TNC: variants seen among roughly 807,000 people sequenced by gnomAD.
TNC encodes tenascin C, also known as tenascin.
A neutral mutation model predicts 202.4 loss-of-function variants in TNC; 109 were observed. That is an observed-to-expected ratio of 0.54 (90% CI 0.46 to 0.63). The LOEUF (loss-of-function observed/expected upper bound fraction) is 0.63. Among genes scored for constraint, TNC ranks in the 30% least tolerant of loss-of-function variants. TNC has a pLI of 0.00. For missense variants in TNC, 2,756 were observed against 2,833.3 expected, an observed-to-expected ratio of 0.97 and a Z score of 0.62; for synonymous variants, 1,007 against 1,089.7, an observed-to-expected ratio of 0.92 and a Z score of 1.50.
rs545407455 is a variant in TNC, at chr9:115,069,041, T to C, written c.3215-4122A>G. Among the ~76,000 whole-genome samples the C allele has an allele frequency of 1.3e-4, 20 of 152,350 alleles. No homozygotes were observed. The South Asian group carries it at 4.1e-3, about 32-fold the overall frequency. On this transcript the variant is annotated intron_variant, in intron 10 of 27. Coordinates refer to ENST00000350763, the MANE Select transcript of TNC (RefSeq NM_002160.4). ...GAAGAGAAGCTGTTTCTTTCTCTTC[T>C]ATACACCGGCATCGCCTGACCCACA... is the stretch of plus-strand genomic sequence containing the variant.
At chr9:115,102,078 C>T (rs115487474) in intron 1 of TNC, among the ~76,000 whole-genome samples, 292 of 152,234 alleles carry the variant, frequency 1.9e-3, no homozygotes, top group African/African-American at 6.9e-3. Context: ...TATTTGTACC[C>T]TCATTTTGCA....
intron 1 of TNC, among the ~76,000 whole-genome samples, chr9:115,113,481 G>A (rs1476189362): frequency 6.6e-6 from 1 of 152,116 alleles, no homozygotes; most frequent in Non-Finnish European, 1.5e-5. Context: ...TTATCCCCTA[G>A]GATTCTCCTA....
At chr9:115,075,219 A>G (rs1833753517) in intron 9 of TNC, among the ~76,000 whole-genome samples, 1 of 152,028 alleles carries the variant, frequency 6.6e-6, no homozygotes, top group South Asian at 2.1e-4. Context: ...AAAAATCTTG[A>G]GGAAAGAATC....
At chr9:115,072,146 A>C (rs759934421) in intron 10 of TNC, among the ~76,000 whole-genome samples, 1 of 152,210 alleles carries the variant, frequency 6.6e-6, no homozygotes, top group Non-Finnish European at 1.5e-5. Context: ...GGAGTGGCCA[A>C]TGAACTATGG....
Position 115,108,894 on chromosome 9 carries a change from G to A in TNC, c.-137+9088C>T, listed in dbSNP as rs541191861. On this transcript the variant is annotated intron_variant, in intron 1 of 27. Coordinates refer to ENST00000350763, the MANE Select transcript of TNC (RefSeq NM_002160.4). ...TCCCAGCCTCCAGAACTGTGAGAAA[G>A]TAATTTCTGTTGTTTGTAAGTCACT... Among the ~76,000 whole-genome samples the A allele has an allele frequency of 2.6e-5, 4 of 152,330 alleles. No homozygotes were observed. The East Asian group carries it at 7.7e-4, about 29-fold the overall frequency.
At position 115,076,153 on chromosome 9, in the gene TNC, C is replaced by T. The variant is rs528424811; in HGVS notation, c.2861-32G>A. The T allele has an allele frequency of 8.1e-6, 13 of 1,597,516 alleles. No homozygotes were observed. The South Asian group carries it at 1.4e-4, about 18-fold the overall frequency. On this transcript the variant is annotated intron_variant, in intron 8 of 27. Coordinates refer to ENST00000350763, the MANE Select transcript of TNC (RefSeq NM_002160.4). ...AGAGAATGTGCAAGTTGAGATTCAT[C>T]CTGAAATCAGAGAGACTTTCAGAGG...
chr9:115,052,842 G>A (rs745954514), intron 15 of TNC: 4 of 702,588 alleles, frequency 5.7e-6, no homozygotes, highest in Non-Finnish European at 1.0e-5. Context: ...CCTGTGATGT[G>A]AGCTTGCTTT....
intron 15 of TNC, among the ~76,000 whole-genome samples, chr9:115,049,499 C>T (rs114032850): frequency 0.014 from 2,132 of 152,206 alleles, 55 homozygotes; most frequent in African/African-American, 0.049. Flanking sequence ...GGTGCCTAAG[C>T]TGAGATACAA....
chr9:115,033,322 G>T (rs758746897), intron 22 of TNC, among the ~76,000 whole-genome samples: 1 of 152,118 alleles, frequency 6.6e-6, no homozygotes, highest in African/African-American at 2.4e-5. Context: ...CAGCCCCCCA[G>T]TTCTAGTCCC....
At position 115,086,730 on chromosome 9, in the gene TNC, T is replaced by C; in HGVS notation, c.1001A>G (p.Glu334Gly). 2 of 1,614,000 alleles carry C rather than the reference T, an allele frequency of 1.2e-6. No individual in the cohort carries two copies. The highest frequency in any genetic ancestry group is 1.7e-6 in the Non-Finnish European group (2 of 1,180,014). ...CCCGCAGTCTTCACCTGTGAAGCCT[T>C]CTTCGCAGTAGCAGGTGCCATTGAT... ...RCINGTCYCE[E>G]GFTGEDCGKP... The change falls in exon 3 of 28, where the codon GAA (glutamate) becomes GGA (glycine). Residue 334 changes from glutamate (E) to glycine (G), a missense_variant. Transcript: ENST00000350763.
intron 23 of TNC, 121 bp from the exon 24 acceptor site, chr9:115,030,526 C>T (rs1455636651): frequency 6.0e-6 from 7 of 1,162,640 alleles, no homozygotes; most frequent in Non-Finnish European, 8.3e-6. Flanking sequence ...TAATGTGATG[C>T]AAACAATTAA....
In TNC at chr9:115,019,719, G is replaced by C. The variant is rs929346203; in HGVS notation, c.*1438C>G. Reference sequence around the variant, plus strand: ...TAATATACACCGGGTACCATTCTAAGGGCCTCAAATGGATAACATAATTTA... The same window carrying C: ...TAATATACACCGGGTACCATTCTAACGGCCTCAAATGGATAACATAATTTA... On this transcript the variant is annotated 3_prime_UTR_variant, in exon 28 of 28. Coordinates refer to ENST00000350763, the MANE Select transcript of TNC (RefSeq NM_002160.4). 1 of 152,136 alleles carries C rather than the reference G, an allele frequency of 6.6e-6. No homozygotes were observed. The highest frequency in any genetic ancestry group is 2.4e-5 in the African/African-American group (1 of 41,412). The allele number at this position is 152,136 out of a possible 1,614,324, so 9.4% of individuals were successfully genotyped here.
At chr9:115,030,228 G>A in intron 24 of TNC, 26 bp downstream of exon 24, 1 of 1,588,244 alleles carries the variant, frequency 6.3e-7, no homozygotes, top group Non-Finnish European at 8.6e-7. Context: ...AGGCCTGAGG[G>A]CTCTGCAGTC....
chr9:115,080,363 GA>G (rs1834212688), intron 6 of TNC, among the ~76,000 whole-genome samples: 1 of 152,006 alleles, frequency 6.6e-6, no homozygotes, highest in African/African-American at 2.4e-5. Flanking sequence ...ACCTACCACA[GA>G]GAGGTGGTGT....
In TNC at chr9:115,052,091, TA is replaced by T. The variant is rs1831724776; in HGVS notation, c.4580-3560del. Among the ~76,000 whole-genome samples the T allele has an allele frequency of 2.0e-5, 3 of 149,926 alleles. No homozygotes were observed. In the South Asian group the frequency reaches 6.3e-4, roughly 31 times the overall value. On this transcript the variant is annotated intron_variant, in intron 15 of 27. Coordinates refer to ENST00000350763, the MANE Select transcript of TNC (RefSeq NM_002160.4). ...GTGTGTATATATACATATATATATATATACACATATATATATAATGGAATAC... is the reference window on the plus strand; with the variant it reads ...GTGTGTATATATACATATATATATATTACACATATATATATAATGGAATAC...
chr9:115,064,020 T>C lies in TNC; in HGVS notation c.3536A>G (p.Asp1179Gly). The C allele has an allele frequency of 1.2e-6, 2 of 1,613,632 alleles. No individual in the cohort carries two copies. The highest frequency in any genetic ancestry group is 8.5e-7 in the Non-Finnish European group (1 of 1,179,764). Residue 1179 changes from aspartate (D) to glycine (G), a missense_variant, in exon 12 of 28, where the codon GAT becomes GGT. Physicochemically the swap from Asp to Gly is moderately conservative, Grantham distance 94. Transcript: ENST00000350763. ...GEVVVAEVGWDALKLNWTAPE... is the reference protein window; with the variant it reads ...GEVVVAEVGWGALKLNWTAPE... Reference sequence around the variant, plus strand: ...AGCAGTCCAGTTGAGTTTGAGGGCATCCCAGCCCACCTCGGCCACCACGAC... The same window carrying C: ...AGCAGTCCAGTTGAGTTTGAGGGCACCCCAGCCCACCTCGGCCACCACGAC...
chr9:115,090,697 G>A lies in TNC; in HGVS notation c.322C>T (p.Arg108Cys), dbSNP rs141079833. 20 of 1,614,034 alleles carry A rather than the reference G, an allele frequency of 1.2e-5. No individual in the cohort carries two copies. Among genetic ancestry groups the A allele is most frequent in the Non-Finnish European group, 1.4e-5 (17 of 1,179,988 alleles). The change falls in exon 2 of 28, where the codon CGC (arginine) becomes TGC (cysteine). Residue 108 changes from arginine (R) to cysteine (C), a missense_variant. Arg to Cys is a radical substitution (Grantham distance 180). This residue lies in a region of TNC where 2,559 missense variants were observed against 2,546.0 expected (regional missense o/e 1.01). Coordinates refer to ENST00000350763, the MANE Select transcript of TNC (RefSeq NM_002160.4). ...IVFTHRINIP[R>C]RACGCAAAPD... ...GCTGCGGCACAGCCACAGGCCCGGC[G>A]GGGGATGTTGATGCGATGTGTGAAG... is the stretch of plus-strand genomic sequence containing the variant.
rs1447999931 is a variant in TNC, at chr9:115,038,398, G to A, written c.5393-18C>T. On this transcript the variant is annotated intron_variant, in intron 19 of 27. Transcript: ENST00000350763. ...ATCCAGAGCTGCAAAGAAAGATGGT[G>A]GACAGGAGGGAAGTCATTGGGTGGG... 4 of 1,612,738 alleles carry A rather than the reference G, an allele frequency of 2.5e-6. No homozygotes were observed. The highest frequency in any genetic ancestry group is 2.7e-5 in the African/African-American group (2 of 74,914).
At chr9:115,026,157 G>A (rs1829461455) in intron 26 of TNC, among the ~76,000 whole-genome samples, 1 of 152,132 alleles carries the variant, frequency 6.6e-6, no homozygotes, top group Admixed American at 6.5e-5. Flanking sequence ...ATCGCCAGTG[G>A]GTCCATACAC....
Sources: gnomAD v4.1 joint callset for allele counts (sites outside exome capture counted in the v4.1 genomes callset) on GRCh38, gnomAD v4.1.1 for gene constraint, gnomAD v4.1.1 regional missense constraint, MANE v1.5 for transcripts, NCBI Gene and HGNC (gene_info 2026-07-23, HGNC 2026-07-21) for gene names.